Variants in SP6 observed in about 807,000 individuals in gnomAD.
SP6 encodes Sp6 transcription factor.
Under a neutral mutation model 23.4 loss-of-function variants are expected in SP6, and 10 were observed. That is an observed-to-expected ratio of 0.43 (90% CI 0.26 to 0.72). The LOEUF (loss-of-function observed/expected upper bound fraction) is 0.72. SP6 is among the 30% of genes least tolerant of loss of function. The pLI is 0.23. For synonymous variants in SP6, 238 were observed against 238.7 expected (o/e 1.00, Z 0.03); for missense variants, 482 against 523.8 (o/e 0.92, Z 0.78).
At chr17:47,868,263 A>G in the SP6 span, among the ~76,000 whole-genome samples, 1 of 152,224 alleles carries the variant, frequency 6.6e-6, no homozygotes, top group Non-Finnish European at 1.5e-5. Flanking sequence ...AAGTGTGTGC[A>G]GTGAGCAAAT....
At chr17:47,854,727 C>A (rs2033985821), upstream of SP6, among the ~76,000 whole-genome samples, 1 of 152,148 alleles carries the variant, frequency 6.6e-6, no homozygotes, top group Non-Finnish European at 1.5e-5. Context: ...CTGGTCTAGC[C>A]CCAAATTGTC....
chr17:47,847,841 G>C lies in SP6; in HGVS notation c.589C>G (p.Pro197Ala). Reference protein sequence around the residue: ...DGAKALEVAAPESQGLDSSLD... With the variant: ...DGAKALEVAAAESQGLDSSLD... ...CTGGAATCCAGCCCTTGAGACTCCGGGGCGGCTACTTCCAAGGCCTTAGCC... is the reference window on the plus strand; with the variant it reads ...CTGGAATCCAGCCCTTGAGACTCCGCGGCGGCTACTTCCAAGGCCTTAGCC... The change falls in exon 2 of 2, where the codon CCG becomes GCG. Residue 197 changes from proline to alanine, a missense_variant. Physicochemically the swap from Pro to Ala is conservative, Grantham distance 27. Around this residue, in one of 3 missense-constraint regions of SP6, gnomAD observed 330 missense variants for 332.3 expected, o/e 0.99. Coordinates refer to ENST00000536300, the MANE Select transcript of SP6 (RefSeq NM_001258248.2). 6 of 1,519,984 alleles carry C rather than the reference G, an allele frequency of 3.9e-6. No individual in the cohort carries two copies. Among genetic ancestry groups the C allele is most frequent in the Non-Finnish European group, 5.3e-6 (6 of 1,137,372 alleles). 94.2% of individuals were successfully genotyped at this position (1,519,984 alleles called of 1,614,324 possible).
the SP6 span, among the ~76,000 whole-genome samples, chr17:47,867,340 C>CA: frequency 6.6e-6 from 1 of 152,116 alleles, no homozygotes; most frequent in Admixed American, 6.5e-5. Context: ...GAGAAACCAT[C>CA]ATGTCAGTGA....
chr17:47,863,272 C>T, the SP6 span: 23 of 152,348 alleles, frequency 1.5e-4, no homozygotes, highest in African/African-American at 5.5e-4. Context: ...TTTTAAGCTC[C>T]TTCCCTGTTC....
chr17:47,847,491 C>G lies in SP6; in HGVS notation c.939G>C (p.Lys313Asn). 2 of 1,613,796 alleles carry G rather than the reference C, an allele frequency of 1.2e-6. No individual in the cohort carries two copies. Among genetic ancestry groups the G allele is most frequent in the South Asian group, 1.1e-5 (1 of 91,086 alleles). Reference sequence around the variant, plus strand: ...CGCGGCTGCAGACTGCACAGGGGAACTTCTTGGTGCCGGTGTGGGTCTGGA... The same window carrying G: ...CGCGGCTGCAGACTGCACAGGGGAAGTTCTTGGTGCCGGTGTGGGTCTGGA... ...RHLQTHTGTK[K>N]FPCAVCSRVF... The change falls in exon 2 of 2, where the codon AAG (lysine) becomes AAC (asparagine). Residue 313 changes from lysine (K) to asparagine (N), a missense_variant. Coordinates refer to ENST00000536300, the MANE Select transcript of SP6 (RefSeq NM_001258248.2).
At chr17:47,860,983 C>T in the SP6 span, among the ~76,000 whole-genome samples, 1 of 152,178 alleles carries the variant, frequency 6.6e-6, no homozygotes, top group African/African-American at 2.4e-5. Flanking sequence ...CCAGCAGGAT[C>T]CCACGAGAGG....
the SP6 span, among the ~76,000 whole-genome samples, chr17:47,872,887 G>A: frequency 6.6e-6 from 1 of 152,212 alleles, no homozygotes; most frequent in Non-Finnish European, 1.5e-5. Context: ...AGACCTCCTG[G>A]GGACCCCACA....
chr17:47,866,148 C>T, the SP6 span, among the ~76,000 whole-genome samples: 1 of 152,072 alleles, frequency 6.6e-6, no homozygotes, highest in Non-Finnish European at 1.5e-5. Flanking sequence ...GGTTCCTGTC[C>T]CTGAGGAGCA....
upstream of SP6, among the ~76,000 whole-genome samples, chr17:47,856,579 G>A (rs1280574745): frequency 2.0e-5 from 3 of 152,192 alleles, no homozygotes; most frequent in Admixed American, 2.0e-4. Context: ...TTTTAGGGTG[G>A]TTGTAAGTTT....
upstream of SP6, among the ~76,000 whole-genome samples, chr17:47,855,276 G>A (rs756516580): frequency 8.5e-5 from 13 of 152,076 alleles, no homozygotes; most frequent in East Asian, 1.9e-4. Flanking sequence ...CTCCTCCACC[G>A]TAAATGCAGT....
chr17:47,863,738 A>AT, the SP6 span, among the ~76,000 whole-genome samples: 17,211 of 98,728 alleles, frequency 0.17, 2,007 homozygotes, highest in East Asian at 0.29. Flanking sequence ...CTAATTTTGT[A>AT]TTTTTTTTTT....
chr17:47,846,503 G>A lies in SP6; in HGVS notation c.*796C>T, dbSNP rs1180307295. ...GCTGAATCAGAGGTGGAGAGGGAAG[G>A]GGTTAGTTCCTTCCATACCCCACCA... On this transcript the variant is annotated 3_prime_UTR_variant, in exon 2 of 2. Coordinates refer to ENST00000536300, the MANE Select transcript of SP6 (RefSeq NM_001258248.2). 1 of 152,110 alleles carries A rather than the reference G, an allele frequency of 6.6e-6. No individual in the cohort carries two copies. The highest frequency in any genetic ancestry group is 1.5e-5 in the Non-Finnish European group (1 of 68,024). The allele number at this position is 152,110 out of a possible 1,614,324, so 9.4% of individuals were successfully genotyped here.
the SP6 span, among the ~76,000 whole-genome samples, chr17:47,869,328 G>A: frequency 6.6e-6 from 1 of 152,202 alleles, no homozygotes; most frequent in Non-Finnish European, 1.5e-5. Context: ...CCTTTGGAGG[G>A]GTGTGGTCTG....
the SP6 span, among the ~76,000 whole-genome samples, chr17:47,873,527 T>C: frequency 6.6e-6 from 1 of 152,296 alleles, no homozygotes; most frequent in South Asian, 2.1e-4. Flanking sequence ...TGATCTCTGG[T>C]CTCAGCTTTG....
upstream of SP6, among the ~76,000 whole-genome samples, chr17:47,856,778 A>G (rs1455591902): frequency 1.3e-5 from 2 of 151,962 alleles, no homozygotes; most frequent in East Asian, 1.9e-4. Flanking sequence ...CCACAGCCCA[A>G]TGCCCTTGGC....
the SP6 span, among the ~76,000 whole-genome samples, chr17:47,873,851 C>T: frequency 5.2e-4 from 74 of 141,950 alleles, 4 homozygotes; most frequent in East Asian, 5.9e-3. Flanking sequence ...TGCTTTCCTC[C>T]TCCTCCTCCT....
chr17:47,858,984 A>C (rs1379123080), upstream of SP6, among the ~76,000 whole-genome samples: 2 of 151,948 alleles, frequency 1.3e-5, no homozygotes, highest in South Asian at 4.2e-4. Flanking sequence ...CACGTTGACC[A>C]GTCTCCTCTA....
At chr17:47,875,367 G>T in the SP6 span, among the ~76,000 whole-genome samples, 1 of 152,094 alleles carries the variant, frequency 6.6e-6, no homozygotes, top group Non-Finnish European at 1.5e-5. Flanking sequence ...GCAGTGCCAG[G>T]GCTGTTAACA....
Position 47,846,720 on chromosome 17 carries a change from A to AC in SP6, c.*578dup, listed in dbSNP as rs2033888704. 6.6e-6 allele frequency: 1 copy of AC among 152,278 alleles called. No homozygotes were observed. The highest frequency in any genetic ancestry group is 1.5e-5 in the Non-Finnish European group (1 of 68,080). The allele number at this position is 152,278 out of a possible 1,614,324, so 9.4% of individuals were successfully genotyped here. On this transcript the variant is annotated 3_prime_UTR_variant, in exon 2 of 2. Transcript: ENST00000536300. Reference sequence around the variant, plus strand: ...CATCAAAGGAGTTATTTTTACAGCAACAACCCTCCAAACCAGAAAGAGACA... The same window carrying AC: ...CATCAAAGGAGTTATTTTTACAGCAACCAACCCTCCAAACCAGAAAGAGACA...
Sources: allele counts gnomAD v4.1 joint callset (sites outside exome capture counted in the v4.1 genomes callset), GRCh38; gene constraint gnomAD v4.1.1; regional missense constraint gnomAD v4.1.1; transcripts MANE v1.5; gene names NCBI Gene and HGNC (gene_info 2026-07-23, HGNC 2026-07-21).